The following EYA2 variants were observed in gnomAD, a reference collection of about 807,000 sequenced individuals.
EYA2 encodes the protein EYA transcriptional coactivator and phosphatase 2.
Under a neutral mutation model 69.2 loss-of-function variants are expected in EYA2, and 31 were observed. The ratio of observed to expected loss-of-function variants is 0.45; its 90% CI spans 0.34 to 0.60. The LOEUF (loss-of-function observed/expected upper bound fraction) is 0.60. Ranked by LOEUF, EYA2 falls within the 20% of genes least tolerant of loss-of-function variation. EYA2 has a pLI of 0.02. For synonymous variants in EYA2, 257 were observed against 279.4 expected (o/e 0.92, Z 0.80); for missense variants, 622 against 701.2 (o/e 0.89, Z 1.28).
intron 9 of EYA2, among the ~76,000 whole-genome samples, chr20:47,097,544 A>G (rs2032288485): frequency 6.6e-6 from 1 of 152,188 alleles, no homozygotes; most frequent in Non-Finnish European, 1.5e-5. Flanking sequence ...TGTTTATCCT[A>G]GTGTCTCCGG....
chr20:47,099,116 G>A (rs542969767), intron 9 of EYA2, among the ~76,000 whole-genome samples: 1 of 152,380 alleles, frequency 6.6e-6, no homozygotes, highest in African/African-American at 2.4e-5. Context: ...GGCAGTTGGG[G>A]CTAAGTCCCA....
chr20:47,081,131 C>T (rs1022391810), intron 7 of EYA2, among the ~76,000 whole-genome samples: 1 of 152,128 alleles, frequency 6.6e-6, no homozygotes, highest in Non-Finnish European at 1.5e-5. Flanking sequence ...TCCATTAATG[C>T]TCTTTCCTTT....
chr20:46,947,473 A>G (rs1333654306), intron 1 of EYA2, among the ~76,000 whole-genome samples: 1 of 152,226 alleles, frequency 6.6e-6, no homozygotes, highest in Non-Finnish European at 1.5e-5. Context: ...TTAAGAAACA[A>G]TGCTTGCCTT....
chr20:46,956,109 T>G (rs968611666), intron 1 of EYA2, among the ~76,000 whole-genome samples: 1 of 152,234 alleles, frequency 6.6e-6, no homozygotes, highest in Non-Finnish European at 1.5e-5. Flanking sequence ...CCTAAACAGA[T>G]GTATTCAGGT....
chr20:47,097,505 C>T (rs192663011), intron 9 of EYA2, among the ~76,000 whole-genome samples: 166 of 152,300 alleles, frequency 1.1e-3, no homozygotes, highest in African/African-American at 3.6e-3. Flanking sequence ...AGCTAGAAAA[C>T]GAGGTAAAGT....
intron 1 of EYA2, among the ~76,000 whole-genome samples, chr20:46,929,148 T>G (rs1985546709): frequency 9.3e-6 from 1 of 107,422 alleles, no homozygotes; most frequent in African/African-American, 3.7e-5. Flanking sequence ...ACAAATAAGT[T>G]GTGCAAAAAA....
rs192398221 is a variant in EYA2 at position 47,166,536 on chromosome 20, C to T, written c.979-2603C>T. The stretch of plus-strand genomic sequence containing the variant: ...CATCAAGGTTCCAGAGATGTTACAA[C>T]CAATTTTTTCTCAGTAGTCAAGCTC... On this transcript the variant is annotated intron_variant, in intron 10 of 15. Coordinates refer to ENST00000327619, the MANE Select transcript of EYA2 (RefSeq NM_005244.5). Among the ~76,000 whole-genome samples the T allele has an allele frequency of 6.6e-4, 99 of 149,174 alleles. 1 individual carries two copies. Among genetic ancestry groups the T allele is most frequent in the African/African-American group, 2.4e-3 (97 of 40,882 alleles).
At chr20:47,092,910 A>G (rs2032128975) in intron 8 of EYA2, among the ~76,000 whole-genome samples, 2 of 152,184 alleles carry the variant, frequency 1.3e-5, no homozygotes, top group South Asian at 2.1e-4. Context: ...CTGAGCATGT[A>G]TTAGTTAAAA....
intron 1 of EYA2, among the ~76,000 whole-genome samples, chr20:46,912,590 A>G (rs1385784989): frequency 6.6e-6 from 1 of 152,220 alleles, no homozygotes; most frequent in African/African-American, 2.4e-5. Flanking sequence ...AAAAGCAAAT[A>G]GTAAGACAGT....
At chr20:47,086,035 AAG>A (rs769043818) in intron 7 of EYA2, among the ~76,000 whole-genome samples, 1 of 152,260 alleles carries the variant, frequency 6.6e-6, no homozygotes, top group Non-Finnish European at 1.5e-5. Context: ...AACACATTAA[AAG>A]AGAGAAAGAA....
chr20:46,938,217 G>A (rs961988995), intron 1 of EYA2, among the ~76,000 whole-genome samples: 1 of 152,124 alleles, frequency 6.6e-6, no homozygotes, highest in Non-Finnish European at 1.5e-5. Context: ...ATATATTTGT[G>A]CCATTGACGT....
At chr20:47,033,927 T>G (rs1202491794) in intron 5 of EYA2, among the ~76,000 whole-genome samples, 1 of 152,234 alleles carries the variant, frequency 6.6e-6, no homozygotes, top group African/African-American at 2.4e-5. Context: ...GCACAAGAGA[T>G]TATTTTACAT....
chr20:47,046,044 T>C (rs1401682822), intron 5 of EYA2, among the ~76,000 whole-genome samples: 2 of 152,210 alleles, frequency 1.3e-5, no homozygotes, highest in East Asian at 3.8e-4. Context: ...AACAGACATT[T>C]ACTTCTAACA....
intron 5 of EYA2, among the ~76,000 whole-genome samples, chr20:47,053,357 A>G (rs1310034555): frequency 6.6e-6 from 1 of 152,086 alleles, no homozygotes; most frequent in Non-Finnish European, 1.5e-5. Flanking sequence ...GTGTATCTCT[A>G]CTTCATTCAT....
chr20:46,937,476 T>C (rs1020450836), intron 1 of EYA2, among the ~76,000 whole-genome samples: 7 of 152,202 alleles, frequency 4.6e-5, no homozygotes, highest in Admixed American at 3.3e-4. Flanking sequence ...GGTTAGTTAC[T>C]ATTATCTTAT....
intron 10 of EYA2, among the ~76,000 whole-genome samples, chr20:47,163,524 C>T (rs1453773224): frequency 6.6e-6 from 1 of 151,758 alleles, no homozygotes. Flanking sequence ...GATGGAGAAA[C>T]CCCGTCTCTA....
At chr20:46,968,421 G>A (rs775192076) in intron 1 of EYA2, among the ~76,000 whole-genome samples, 3 of 152,158 alleles carry the variant, frequency 2.0e-5, no homozygotes, top group African/African-American at 7.2e-5. Flanking sequence ...TGAGGTTGGC[G>A]CCTTTCTTAT....
rs57767869 is a variant in EYA2, at chr20:47,147,054, C to CTT, written c.978+3926_978+3927dup. The stretch of plus-strand genomic sequence containing the variant: ...TTATATCCAGGAGAGGCTCCTCTGA[C>CTT]TTTTTTTTTTTTTTTTTTTTTGAGA... On this transcript the variant is annotated intron_variant, in intron 10 of 15. Transcript: ENST00000327619. 6.1e-3 allele frequency among the ~76,000 whole-genome samples: 692 copies of CTT among 112,842 alleles called. 14 individuals are homozygous for CTT. Among genetic ancestry groups the CTT allele is most frequent in the African/African-American group, 8.8e-3 (260 of 29,454 alleles). The allele number at this position is 112,842 out of a possible 152,430, so 74.0% of individuals were successfully genotyped here.
chr20:46,963,794 C>T (rs913503797), intron 1 of EYA2, among the ~76,000 whole-genome samples: 20 of 152,356 alleles, frequency 1.3e-4, no homozygotes, highest in African/African-American at 4.8e-4. Context: ...CTAAGCCAGG[C>T]GAACAAGCAG....
Sources: allele counts gnomAD v4.1 joint callset (sites outside exome capture counted in the v4.1 genomes callset), GRCh38; gene constraint gnomAD v4.1.1; transcripts MANE v1.5; gene names NCBI Gene and HGNC (gene_info 2026-07-23, HGNC 2026-07-21).